Variants in LMO7 observed in about 807,000 individuals in gnomAD.
LMO7 encodes LIM domain 7.
A neutral mutation model predicts 206.5 loss-of-function variants in LMO7; 120 were observed. The ratio of observed to expected loss-of-function variants is 0.58; its 90% CI spans 0.50 to 0.68. LMO7 has a LOEUF of 0.68. LMO7 is among the 30% of genes least tolerant of loss of function. The pLI is 0.00. For missense variants in LMO7, 1,959 were observed against 1,957.9 expected (o/e 1.00, Z -0.01); for synonymous variants, 706 against 681.5 (o/e 1.04, Z -0.56).
intron 3 of LMO7, among the ~76,000 whole-genome samples, chr13:75,755,947 G>A (rs1187854359): frequency 6.6e-6 from 1 of 152,196 alleles, no homozygotes; most frequent in East Asian, 1.9e-4. Flanking sequence ...TGACAAACAT[G>A]AGAGAAACAG....
chr13:75,805,439 T>C, intron 8 of LMO7, 40 bp from the exon 9 acceptor site: 1 of 1,585,768 alleles, frequency 6.3e-7, no homozygotes, highest in Middle Eastern at 1.7e-4. Context: ...GTGTCACAAA[T>C]GCTCATACAG....
intron 3 of LMO7, among the ~76,000 whole-genome samples, chr13:75,731,127 C>T (rs1222542336): frequency 7.3e-5 from 11 of 151,630 alleles, no homozygotes; most frequent in African/African-American, 9.7e-5. Context: ...TGGAGAGTTC[C>T]GTAGATGTCT....
Position 75,731,730 on chromosome 13 carries a change from G to T in LMO7, c.210+4632G>T, listed in dbSNP as rs532220001. 4.6e-5 allele frequency among the ~76,000 whole-genome samples: 7 copies of T among 152,184 alleles called. No individual in the cohort carries two copies. The South Asian group carries it at 1.5e-3, about 32-fold the overall frequency. On this transcript the variant is annotated intron_variant, in intron 3 of 30. Transcript: ENST00000377534. ...ATGTAGTTTCTTCCTAGTCTCGATG[G>T]TCTTTACATTTTGGCATGATTTTGT... is the stretch of plus-strand genomic sequence containing the variant.
intron 1 of LMO7, among the ~76,000 whole-genome samples, chr13:75,638,918 C>A (rs2036238106): frequency 6.6e-6 from 1 of 152,058 alleles, no homozygotes; most frequent in South Asian, 2.1e-4. Flanking sequence ...GATAGTCTTG[C>A]TACATTTTGC....
chr13:75,633,870 A>G, upstream of LMO7, among the ~76,000 whole-genome samples: 1 of 103,644 alleles, frequency 9.6e-6, no homozygotes, highest in Non-Finnish European at 1.8e-5. Context: ...TTTTTTTGAG[A>G]CGGAGTCTCG....
At chr13:75,731,589 C>T (rs571702021) in intron 3 of LMO7, among the ~76,000 whole-genome samples, 1 of 151,936 alleles carries the variant, frequency 6.6e-6, no homozygotes, top group Non-Finnish European at 1.5e-5. Flanking sequence ...ATCCAATTTG[C>T]CAGTCTGTGT....
chr13:75,689,399 G>A (rs764239038), intron 1 of LMO7, among the ~76,000 whole-genome samples: 9 of 152,184 alleles, frequency 5.9e-5, no homozygotes, highest in Non-Finnish European at 7.3e-5. Flanking sequence ...CCAAGATACA[G>A]CATTTCATGA....
In LMO7 at chr13:75,673,825, A is replaced by G. The variant is rs995429376; in HGVS notation, c.69+37099A>G. 5.9e-5 allele frequency among the ~76,000 whole-genome samples: 9 copies of G among 152,376 alleles called. 1 individual carries two copies. In the Middle Eastern group the frequency reaches 0.01, roughly 173 times the overall value. Reference sequence around the variant, plus strand: ...GCTGAAAAGCATACAGAAAAATAATAGCCACTCATAATCTTGTAACTGTTA... The same window carrying G: ...GCTGAAAAGCATACAGAAAAATAATGGCCACTCATAATCTTGTAACTGTTA... On this transcript the variant is annotated intron_variant, in intron 1 of 30. Coordinates refer to ENST00000377534, the MANE Select transcript of LMO7 (RefSeq NM_001306080.2).
At chr13:75,759,153 C>T (rs940995844) in intron 3 of LMO7, among the ~76,000 whole-genome samples, 2 of 152,228 alleles carry the variant, frequency 1.3e-5, no homozygotes, top group South Asian at 2.1e-4. Flanking sequence ...CTCACTATCA[C>T]GAGAACAGCA....
intron 25 of LMO7, among the ~76,000 whole-genome samples, chr13:75,844,407 GT>G (rs1055037693): frequency 3.8e-4 from 56 of 147,574 alleles, no homozygotes; most frequent in South Asian, 6.4e-4. Flanking sequence ...TTTTTCTTTT[GT>G]TTTTTTCTTT....
Position 75,791,342 on chromosome 13 carries a change from C to T in LMO7, c.318-4059C>T, listed in dbSNP as rs569965510. Among the ~76,000 whole-genome samples, 3 of 152,202 alleles carry T rather than the reference C, an allele frequency of 2.0e-5. No individual in the cohort carries two copies. In the East Asian group the frequency reaches 5.8e-4, roughly 29 times the overall value. The stretch of plus-strand genomic sequence containing the variant: ...AGAAGTATAATTATGAGTATCAATA[C>T]AATTTGAGTTGAAATTGGACATATT... On this transcript the variant is annotated intron_variant, in intron 4 of 30. Transcript: ENST00000377534.
intron 4 of LMO7, among the ~76,000 whole-genome samples, chr13:75,790,622 T>C (rs978506586): frequency 6.6e-6 from 1 of 152,138 alleles, no homozygotes; most frequent in African/African-American, 2.4e-5. Flanking sequence ...AACCTTTGAG[T>C]AAAGAAAAGA....
At chr13:75,754,614 G>C (rs2047528643) in intron 3 of LMO7, among the ~76,000 whole-genome samples, 2 of 152,170 alleles carry the variant, frequency 1.3e-5, no homozygotes, top group Non-Finnish European at 2.9e-5. Context: ...AATAAAATGA[G>C]AGAGCCCTTA....
intron 1 of LMO7, among the ~76,000 whole-genome samples, chr13:75,691,248 T>G (rs1435546892): frequency 1.3e-5 from 2 of 152,258 alleles, no homozygotes; most frequent in Non-Finnish European, 2.9e-5. Flanking sequence ...TCTCACTGTT[T>G]ATAGACCAAT....
At chr13:75,845,230 C>T (rs1555346608) in intron 25 of LMO7, 97 bp from the exon 26 acceptor site, 2 of 581,984 alleles carry the variant, frequency 3.4e-6, no homozygotes, top group Admixed American at 3.8e-5. Flanking sequence ...AATAAATCAA[C>T]TGCTTTAAAA....
Position 75,636,584 on chromosome 13 carries a change from G to C in LMO7, c.-74G>C, listed in dbSNP as rs1046587054. 6 of 1,540,068 alleles carry C rather than the reference G, an allele frequency of 3.9e-6. No homozygotes were observed. The African/African-American group carries it at 6.9e-5, about 18-fold the overall frequency. ...AGGCCCGCGTGCCCTCCCCGCCCGT[G>C]GGGCCCAGACGCGCGGGGACAACCC... is the stretch of plus-strand genomic sequence containing the variant. On this transcript the variant is annotated 5_prime_UTR_variant, in exon 1 of 31. Transcript: ENST00000377534.
intron 4 of LMO7, among the ~76,000 whole-genome samples, chr13:75,767,744 G>A (rs1454123793): frequency 2.0e-5 from 3 of 152,064 alleles, no homozygotes; most frequent in Non-Finnish European, 4.4e-5. Flanking sequence ...GAGCAGATGT[G>A]TATCCGTGGT....
intron 1 of LMO7, among the ~76,000 whole-genome samples, chr13:75,681,349 A>G (rs1184284435): frequency 6.6e-6 from 1 of 152,174 alleles, no homozygotes; most frequent in African/African-American, 2.4e-5. Flanking sequence ...AGCAAAGTTT[A>G]TGAGCTACTA....
chr13:75,834,471 CT>C, intron 17 of LMO7, 84 bp downstream of exon 17: 3 of 1,066,174 alleles, frequency 2.8e-6, no homozygotes, highest in Non-Finnish European at 4.0e-6. Context: ...GCTTCAATAA[CT>C]TTTTATTTTT....
Sources: gnomAD v4.1 joint callset for allele counts (sites outside exome capture counted in the v4.1 genomes callset) on GRCh38, gnomAD v4.1.1 for gene constraint, MANE v1.5 for transcripts, NCBI Gene and HGNC (gene_info 2026-07-23, HGNC 2026-07-21) for gene names.